SPICE1: variants seen among roughly 807,000 people sequenced by gnomAD.
The protein encoded by SPICE1 is spindle and centriole associated protein 1, also known as spindle and centriole-associated protein 1.
In SPICE1, 75 loss-of-function variants were observed where a neutral mutation model predicts 102.7. The ratio of observed to expected loss-of-function variants is 0.73; its 90% CI spans 0.61 to 0.88. The LOEUF is 0.88. SPICE1 is among the 40% of genes least tolerant of loss of function. The probability of loss-of-function intolerance (pLI) is 0.00; values close to 1 mark genes in which losing one functional copy is unlikely to be tolerated. For synonymous variants in SPICE1, 308 were observed against 350.3 expected (o/e 0.88, Z 1.35); for missense variants, 979 against 1,020.1 (o/e 0.96, Z 0.55).
intron 7 of SPICE1, among the ~76,000 whole-genome samples, chr3:113,471,966 G>A (rs532937316): frequency 3.2e-4 from 48 of 152,286 alleles, no homozygotes; most frequent in Admixed American, 1.5e-3. Flanking sequence ...TGCACCGTGC[G>A]CGAGCCGAAG....
chr3:113,499,586 TACAGA>T lies in SPICE1; in HGVS notation c.148-9_148-5del, dbSNP rs1302562381. The stretch of plus-strand genomic sequence containing the variant: ...TGTGTATTTCATGACGGCGTACCTA[TACAGA>T]AGAGAAAAGTACATAAAGGAATGTT... On this transcript the variant is annotated splice_polypyrimidine_tract_variant and splice_region_variant and intron_variant, in intron 3 of 17. Coordinates refer to ENST00000295872, the MANE Select transcript of SPICE1 (RefSeq NM_144718.4). The T allele has an allele frequency of 6.3e-7, 1 of 1,593,912 alleles. No individual in the cohort carries two copies. Among genetic ancestry groups the T allele is most frequent in the African/African-American group, 1.4e-5 (1 of 73,964 alleles).
intron 7 of SPICE1, among the ~76,000 whole-genome samples, chr3:113,475,736 G>C (rs887014901): frequency 1.3e-4 from 20 of 152,108 alleles, no homozygotes; most frequent in Non-Finnish European, 2.4e-4. Flanking sequence ...ATTCAACAAT[G>C]CTTCATGCTA....
intron 15 of SPICE1, 126 bp from the exon 16 acceptor site, chr3:113,448,266 G>GCCCAAGAT (rs1935564737): frequency 1.3e-6 from 1 of 770,556 alleles, no homozygotes; most frequent in African/African-American, 1.8e-5. Flanking sequence ...TTTAATCTTA[G>GCCCAAGAT]CCCAAGATAC....
At chr3:113,478,319 A>C (rs149622899) in intron 7 of SPICE1, among the ~76,000 whole-genome samples, 2 of 152,294 alleles carry the variant, frequency 1.3e-5, no homozygotes, top group Non-Finnish European at 2.9e-5. Context: ...TACTTAATAC[A>C]AAATAATTCC....
rs1312092662 is a variant in SPICE1 at position 113,464,255 on chromosome 3, TG to T, written c.1287+1397del. 1.0e-4 allele frequency among the ~76,000 whole-genome samples: 15 copies of T among 149,144 alleles called. No homozygotes were observed. The East Asian group carries it at 1.2e-3, about 12-fold the overall frequency. ...TTTGTGTGTGGTTTCAGTTTTTTGTTGTTTTTTTTTTTTTTTTTAGAGACAG... is the reference window on the plus strand; with the variant it reads ...TTTGTGTGTGGTTTCAGTTTTTTGTTTTTTTTTTTTTTTTTTTAGAGACAG... On this transcript the variant is annotated intron_variant, in intron 11 of 17. Transcript: ENST00000295872.
At chr3:113,494,286 A>T in intron 4 of SPICE1, 144 bp from the exon 5 acceptor site, 1 of 561,580 alleles carries the variant, frequency 1.8e-6, no homozygotes, top group African/African-American at 1.9e-5. Flanking sequence ...TATCCTTAAG[A>T]ACCAGTAGAT....
At chr3:113,499,110 G>A (rs1936956527) in intron 4 of SPICE1, 1 of 172,442 alleles carries the variant, frequency 5.8e-6, no homozygotes. Flanking sequence ...AATAAGCAAA[G>A]ATTGTGCTAT....
At chr3:113,505,265 C>T (rs569277523) in intron 2 of SPICE1, among the ~76,000 whole-genome samples, 3 of 152,182 alleles carry the variant, frequency 2.0e-5, no homozygotes, top group South Asian at 4.2e-4. Flanking sequence ...GTCAACTGTA[C>T]TAAACTTCTC....
rs963150810 is a variant in SPICE1, at chr3:113,453,851, A to G, written c.1757T>C (p.Ile586Thr). Reference sequence around the variant, plus strand: ...ACTTGAATTCTGAATGTCTGTATCAATAGGTAAGGTCTTCTCTTCCCAATT... The same window carrying G: ...ACTTGAATTCTGAATGTCTGTATCAGTAGGTAAGGTCTTCTCTTCCCAATT... ...EQNWEEKTLPIDTDIQNSSEE... is the reference protein window; with the variant it reads ...EQNWEEKTLPTDTDIQNSSEE... Residue 586 changes from isoleucine (I) to threonine (T), a missense_variant, in exon 14 of 18, where the codon ATT becomes ACT. Ile to Thr is a moderately conservative substitution (Grantham distance 89). Transcript: ENST00000295872. 1 of 1,614,114 alleles carries G rather than the reference A, an allele frequency of 6.2e-7. No homozygotes were observed.
intron 1 of SPICE1, among the ~76,000 whole-genome samples, chr3:113,512,324 T>C (rs774437467): frequency 1.3e-5 from 2 of 152,150 alleles, no homozygotes; most frequent in Non-Finnish European, 2.9e-5. Context: ...CTTTAGCACC[T>C]GTATTTACTA....
intron 6 of SPICE1, among the ~76,000 whole-genome samples, chr3:113,490,513 G>A (rs1936742636): frequency 6.6e-6 from 1 of 152,022 alleles, no homozygotes; most frequent in African/African-American, 2.4e-5. Flanking sequence ...TTGGTGGCGT[G>A]CACCTGTGGT....
At chr3:113,495,249 C>G (rs973567602) in intron 4 of SPICE1, among the ~76,000 whole-genome samples, 1 of 152,204 alleles carries the variant, frequency 6.6e-6, no homozygotes, top group Non-Finnish European at 1.5e-5. Context: ...CTGGAAACTG[C>G]TCAGTTTCCA....
At chr3:113,479,380 G>C (rs1432127162) in intron 7 of SPICE1, among the ~76,000 whole-genome samples, 1 of 151,538 alleles carries the variant, frequency 6.6e-6, no homozygotes, top group African/African-American at 2.4e-5. Flanking sequence ...TATCATTGTT[G>C]GACATTTGGG....
chr3:113,448,493 A>AT (rs1451100906), intron 15 of SPICE1, among the ~76,000 whole-genome samples: 1 of 152,142 alleles, frequency 6.6e-6, no homozygotes, highest in Non-Finnish European at 1.5e-5. Flanking sequence ...CCAAAAAAAA[A>AT]GGAAAAAGAA....
chr3:113,476,952 A>G (rs1450099349), intron 7 of SPICE1, among the ~76,000 whole-genome samples: 2 of 152,268 alleles, frequency 1.3e-5, no homozygotes, highest in East Asian at 3.8e-4. Context: ...ACTAAACTAA[A>G]GAGCTTCTGC....
chr3:113,459,142 C>T (rs182904841), intron 12 of SPICE1, among the ~76,000 whole-genome samples: 8 of 152,212 alleles, frequency 5.3e-5, no homozygotes, highest in Non-Finnish European at 8.8e-5. Context: ...CTCTGAAATA[C>T]GTGCTGTGTC....
chr3:113,457,733 A>T (rs1244901011), intron 12 of SPICE1, among the ~76,000 whole-genome samples: 1 of 152,088 alleles, frequency 6.6e-6, no homozygotes, highest in African/African-American at 2.4e-5. Flanking sequence ...ATCTTGGCTC[A>T]CTGAAGCCTC....
At chr3:113,474,965 A>G (rs1936302780) in intron 7 of SPICE1, among the ~76,000 whole-genome samples, 1 of 152,210 alleles carries the variant, frequency 6.6e-6, no homozygotes, top group South Asian at 2.1e-4. Context: ...AGACACAAAA[A>G]AACCCTTCAA....
intron 11 of SPICE1, 149 bp downstream of exon 11, chr3:113,465,504 T>A (rs1576627998): frequency 1.5e-6 from 1 of 651,494 alleles, no homozygotes; most frequent in Non-Finnish European, 2.6e-6. Context: ...TAATAAATGT[T>A]CAATAATACC....
Sources: gnomAD v4.1 joint callset for allele counts (sites outside exome capture counted in the v4.1 genomes callset) on GRCh38, gnomAD v4.1.1 for gene constraint, MANE v1.5 for transcripts, NCBI Gene and HGNC (gene_info 2026-07-23, HGNC 2026-07-21) for gene names.